The following TMEM116 variants were observed in gnomAD, a reference collection of about 807,000 sequenced individuals.
TMEM116 encodes the protein transmembrane protein 116.
A neutral mutation model predicts 44.3 loss-of-function variants in TMEM116; 38 were observed. The ratio of observed to expected loss-of-function variants is 0.86; its 90% confidence interval spans 0.66 to 1.12. TMEM116 has a LOEUF of 1.12. Among genes scored for constraint, TMEM116 ranks in the 50% most tolerant of loss-of-function variants. The probability of loss-of-function intolerance (pLI) is 0.00; values close to 1 mark genes in which losing one functional copy is unlikely to be tolerated. For synonymous variants in TMEM116, 132 were observed against 144.8 expected, an observed-to-expected ratio of 0.91 and a Z score of 0.64; for missense variants, 354 against 401.7, an observed-to-expected ratio of 0.88 and a Z score of 1.01.
intron 3 of TMEM116, among the ~76,000 whole-genome samples, chr12:111,994,285 T>TG: frequency 6.6e-6 from 1 of 152,126 alleles, no homozygotes; most frequent in Middle Eastern, 3.4e-3. Flanking sequence ...AAGACACTCT[T>TG]GAAAAAAAAA....
intron 4 of TMEM116, among the ~76,000 whole-genome samples, chr12:111,958,163 G>A (rs968906056): frequency 2.6e-5 from 4 of 150,946 alleles, no homozygotes; most frequent in African/African-American, 9.8e-5. Flanking sequence ...CTCTGCCTAG[G>A]AAAACCAGAG....
intron 4 of TMEM116, among the ~76,000 whole-genome samples, chr12:111,990,911 T>TA (rs2076524753): frequency 6.6e-6 from 1 of 152,078 alleles, no homozygotes; most frequent in East Asian, 1.9e-4. Flanking sequence ...TGATAAATAA[T>TA]AAAAACAGGT....
Position 111,991,665 on chromosome 12 carries a change from C to T in TMEM116, c.210+93G>A, listed in dbSNP as rs12423126. 3.0e-4 allele frequency: 368 copies of T among 1,234,552 alleles called. No homozygotes were observed. In the African/African-American group the frequency reaches 3.4e-3, roughly 12 times the overall value. The allele number at this position is 1,234,552 out of a possible 1,614,324, so 76.5% of individuals were successfully genotyped here. Reference sequence around the variant, plus strand: ...TTCAAAATGTAACAATAAACAAATACGTCTCCACTTCCCAAGGTGAATCAT... The same window carrying T: ...TTCAAAATGTAACAATAAACAAATATGTCTCCACTTCCCAAGGTGAATCAT... On this transcript the variant is annotated intron_variant, in intron 4 of 10. Transcript: ENST00000552374.
Position 111,939,880 on chromosome 12 carries a change from C to CTGTGTGTGTGTG in TMEM116, c.316-1682_316-1671dup, listed in dbSNP as rs61322648. Among the ~76,000 whole-genome samples, 783 of 130,436 alleles carry CTGTGTGTGTGTG rather than the reference C, an allele frequency of 6.0e-3. 5 individuals carry two copies. The highest frequency in any genetic ancestry group is 7.6e-3 in the Non-Finnish European group (463 of 60,782). The allele number at this position is 130,436 out of a possible 152,430, so 85.6% of individuals were successfully genotyped here. On this transcript the variant is annotated intron_variant, in intron 5 of 10. Transcript: ENST00000552374. ...AAGAAGAAAAAGTATCTTCAAAGCT[C>CTGTGTGTGTGTG]TGTGTGTGTGTGTGTGTGTGTGTGT...
chr12:111,931,729 T>C lies in TMEM116; in HGVS notation c.906A>G (p.Ala302=), dbSNP rs780242241. Residue 302 remains alanine (A), a synonymous_variant, in exon 11 of 11, where the codon GCA becomes GCG. Coordinates refer to ENST00000552374, the MANE Select transcript of TMEM116 (RefSeq NM_001193531.2). ...HQLKQEARRD[A]DTQTPLLCSQ... is the part of the protein sequence containing the mutation. ...AGCATAATAATGGTGTCTGGGTATC[T>C]GCATCACGCCGAGCCTCCTGCTTTA... 7 of 1,613,168 alleles carry C rather than the reference T, an allele frequency of 4.3e-6. No homozygotes were observed. In the East Asian group the frequency reaches 1.3e-4, roughly 31 times the overall value.
intron 4 of TMEM116, among the ~76,000 whole-genome samples, chr12:111,958,816 T>A (rs1047540338): frequency 1.7e-4 from 26 of 151,980 alleles, no homozygotes; most frequent in Admixed American, 3.9e-4. Context: ...TGAAAAAGAA[T>A]GAACAAAGCC....
At chr12:111,975,372 T>A (rs1328135420) in intron 4 of TMEM116, among the ~76,000 whole-genome samples, 1 of 152,186 alleles carries the variant, frequency 6.6e-6, no homozygotes, top group African/African-American at 2.4e-5. Context: ...TTCAGTCTGA[T>A]CTTGAACTCG....
intron 8 of TMEM116, chr12:111,934,691 G>A (rs2071985779): frequency 6.6e-6 from 1 of 152,036 alleles, no homozygotes; most frequent in Non-Finnish European, 1.5e-5. Context: ...CTGGGAGGCA[G>A]AGGTTGTAGT....
intron 5 of TMEM116, among the ~76,000 whole-genome samples, chr12:111,939,657 TAAA>T (rs921201436): frequency 1.6e-5 from 2 of 126,142 alleles, no homozygotes; most frequent in Non-Finnish European, 3.4e-5. Flanking sequence ...AAACTACAAT[TAAA>T]AAAAAAAAAA....
chr12:111,966,084 T>C (rs2074961348), intron 4 of TMEM116, among the ~76,000 whole-genome samples: 1 of 152,126 alleles, frequency 6.6e-6, no homozygotes, highest in East Asian at 1.9e-4. Flanking sequence ...AGGCGGCTGA[T>C]CACCTGAGGT....
intron 4 of TMEM116, among the ~76,000 whole-genome samples, chr12:111,962,595 A>G (rs1195056965): frequency 6.6e-6 from 1 of 152,184 alleles, no homozygotes; most frequent in Non-Finnish European, 1.5e-5. Context: ...ATGGCGTTGG[A>G]AAAACTGGCT....
chr12:111,988,781 G>C (rs2076375795), intron 4 of TMEM116, among the ~76,000 whole-genome samples: 1 of 151,978 alleles, frequency 6.6e-6, no homozygotes, highest in Non-Finnish European at 1.5e-5. Flanking sequence ...CACAGGGTCA[G>C]GAGTTCAAGA....
At chr12:111,975,203 G>A (rs1234770265) in intron 4 of TMEM116, among the ~76,000 whole-genome samples, 1 of 152,212 alleles carries the variant, frequency 6.6e-6, no homozygotes, top group Non-Finnish European at 1.5e-5. Context: ...GGAGTGCAGT[G>A]GCACGATCAG....
chr12:111,975,841 T>C (rs564393483), intron 4 of TMEM116, among the ~76,000 whole-genome samples: 1 of 151,942 alleles, frequency 6.6e-6, no homozygotes, highest in Admixed American at 6.6e-5. Context: ...GCCCAAGAGC[T>C]CAGGCCCACA....
intron 4 of TMEM116, among the ~76,000 whole-genome samples, chr12:111,988,618 G>C (rs182841215): frequency 6.7e-4 from 102 of 151,978 alleles, no homozygotes; most frequent in African/African-American, 2.4e-3. Flanking sequence ...GGAATCGCTT[G>C]AACCTGGGAG....
chr12:111,952,622 A>C (rs1261900025), intron 4 of TMEM116, among the ~76,000 whole-genome samples: 2 of 152,210 alleles, frequency 1.3e-5, no homozygotes, highest in Non-Finnish European at 2.9e-5. Context: ...GGGTGGGCAC[A>C]ATCTAATCAG....
At chr12:111,980,622 A>G (rs1443041704) in intron 4 of TMEM116, among the ~76,000 whole-genome samples, 1 of 152,212 alleles carries the variant, frequency 6.6e-6, no homozygotes, top group African/African-American at 2.4e-5. Context: ...AATGTACCAC[A>G]CTAAGGCAAA....
chr12:111,955,950 A>G (rs549624923), intron 4 of TMEM116, among the ~76,000 whole-genome samples: 94 of 152,214 alleles, frequency 6.2e-4, no homozygotes, highest in Non-Finnish European at 9.7e-4. Context: ...TGATGTTCAC[A>G]CAATGATGAA....
chr12:111,933,736 TCCAC>T, intron 9 of TMEM116, 146 bp downstream of exon 9: 1 of 834,502 alleles, frequency 1.2e-6, no homozygotes, highest in Non-Finnish European at 1.8e-6. Flanking sequence ...GACCTCGTGA[TCCAC>T]CTGCCTCAGC....
Sources: allele counts gnomAD v4.1 joint callset (sites outside exome capture counted in the v4.1 genomes callset), GRCh38; gene constraint gnomAD v4.1.1; transcripts MANE v1.5; gene names NCBI Gene and HGNC (gene_info 2026-07-23, HGNC 2026-07-21).